ATP10B: variants seen among roughly 807,000 people sequenced by gnomAD.
ATP10B encodes phospholipid-transporting ATPase VB.
A neutral mutation model predicts 141.2 loss-of-function variants in ATP10B; 122 were observed. The ratio of observed to expected loss-of-function variants is 0.86; its 90% CI spans 0.75 to 1.00. ATP10B has a LOEUF of 1.00. Among genes scored for constraint, ATP10B ranks in the 50% least tolerant of loss-of-function variants. The probability of loss-of-function intolerance (pLI) is 0.00; values close to 1 mark genes in which losing one functional copy is unlikely to be tolerated. For missense variants in ATP10B, 1,876 were observed against 1,825.3 expected, an observed-to-expected ratio of 1.03 and a Z score of -0.51; for synonymous variants, 685 against 692.0, an observed-to-expected ratio of 0.99 and a Z score of 0.16.
At chr5:160,795,945 CA>C (rs1032450182) in intron 1 of ATP10B, among the ~76,000 whole-genome samples, 7 of 152,146 alleles carry the variant, frequency 4.6e-5, no homozygotes, top group African/African-American at 1.7e-4. Flanking sequence ...ATTTATATGG[CA>C]GCCCTAGAAA....
chr5:160,606,563 C>T (rs1225148267), intron 19 of ATP10B, among the ~76,000 whole-genome samples: 1 of 152,206 alleles, frequency 6.6e-6, no homozygotes, highest in Non-Finnish European at 1.5e-5. Context: ...AGCTGACTTG[C>T]TAGTCCCAAG....
intron 2 of ATP10B, among the ~76,000 whole-genome samples, chr5:160,763,186 T>G (rs917387382): frequency 6.6e-6 from 1 of 152,048 alleles, no homozygotes. Context: ...AAATGATGGA[T>G]TTAAACTATA....
chr5:160,759,575 T>C (rs1402216566), intron 2 of ATP10B, among the ~76,000 whole-genome samples: 1 of 152,212 alleles, frequency 6.6e-6, no homozygotes, highest in Non-Finnish European at 1.5e-5. Flanking sequence ...GCTGAGGCCT[T>C]TCTAAATCTG....
intron 2 of ATP10B, among the ~76,000 whole-genome samples, chr5:160,717,678 A>C (rs1765742893): frequency 6.6e-6 from 1 of 152,236 alleles, no homozygotes; most frequent in African/African-American, 2.4e-5. Context: ...CCCATATTAC[A>C]GAAGAGGAAA....
At chr5:160,808,904 G>T (rs540189066) in intron 1 of ATP10B, among the ~76,000 whole-genome samples, 1 of 152,148 alleles carries the variant, frequency 6.6e-6, no homozygotes, top group Non-Finnish European at 1.5e-5. Flanking sequence ...GTTCCTTCTG[G>T]GGGCTGTGAG....
At chr5:160,591,211 G>A (rs1443909231) in intron 22 of ATP10B, 72 bp from the exon 23 acceptor site, 2 of 1,292,642 alleles carry the variant, frequency 1.5e-6, no homozygotes, top group African/African-American at 1.5e-5. Flanking sequence ...CAACTTTCTT[G>A]CATGTGGCTG....
At position 160,715,330 on chromosome 5, in the gene ATP10B, T is replaced by G. The variant is rs1355619001; in HGVS notation, c.-205+1579A>C. 5.3e-3 allele frequency among the ~76,000 whole-genome samples: 713 copies of G among 134,328 alleles called. 8 individuals carry two copies. Among genetic ancestry groups the G allele is most frequent in the African/African-American group, 0.019 (685 of 35,554 alleles). 88.1% of individuals were successfully genotyped at this position (134,328 alleles called of 152,430 possible). On this transcript the variant is annotated intron_variant, in intron 3 of 25. Coordinates refer to ENST00000327245, the MANE Select transcript of ATP10B (RefSeq NM_025153.3). ...TATAGTCTCGTGGTGCGCCGTTTCT[T>G]AAGCCGGTCTGAAAAGCGCAATATT...
At chr5:160,912,170 G>C in the ATP10B span, among the ~76,000 whole-genome samples, 1 of 152,052 alleles carries the variant, frequency 6.6e-6, no homozygotes, top group African/African-American at 2.4e-5. Flanking sequence ...GGGTTCTCAT[G>C]AGTAGATCTA....
chr5:160,670,340 C>G, intron 7 of ATP10B, 123 bp downstream of exon 7: 1 of 850,174 alleles, frequency 1.2e-6, no homozygotes, highest in Admixed American at 2.0e-5. Flanking sequence ...ATCTAAAGTG[C>G]TAGGGAAAAG....
intron 3 of ATP10B, chr5:160,691,910 T>C (rs1417953490): frequency 6.6e-6 from 1 of 152,244 alleles, no homozygotes; most frequent in Non-Finnish European, 1.5e-5. Context: ...TAATATTGTG[T>C]ATCTTCTTTG....
intron 7 of ATP10B, among the ~76,000 whole-genome samples, chr5:160,666,157 G>C (rs1762305061): frequency 6.6e-6 from 1 of 152,162 alleles, no homozygotes; most frequent in Non-Finnish European, 1.5e-5. Context: ...GTTTCTGGAA[G>C]CACTGGAGAT....
intron 2 of ATP10B, among the ~76,000 whole-genome samples, chr5:160,719,030 A>G (rs1415655641): frequency 1.3e-5 from 2 of 152,198 alleles, no homozygotes; most frequent in Non-Finnish European, 2.9e-5. Context: ...AGTTCTTTGG[A>G]CTGGGACGGA....
chr5:160,681,393 C>G (rs1234871843), intron 6 of ATP10B, among the ~76,000 whole-genome samples: 1 of 152,218 alleles, frequency 6.6e-6, no homozygotes, highest in African/African-American at 2.4e-5. Flanking sequence ...AATAGTTAGT[C>G]TGAGATCTGG....
chr5:160,681,990 C>A (rs1248049215), intron 6 of ATP10B, among the ~76,000 whole-genome samples: 1 of 152,226 alleles, frequency 6.6e-6, no homozygotes, highest in African/African-American at 2.4e-5. Context: ...CACCACCATT[C>A]CCTATTGCCT....
chr5:160,667,090 C>T (rs1487817620), intron 7 of ATP10B, among the ~76,000 whole-genome samples: 1 of 152,120 alleles, frequency 6.6e-6, no homozygotes, highest in African/African-American at 2.4e-5. Context: ...TGGTGGCCGG[C>T]ACCTGTAGTC....
At chr5:160,709,297 G>T (rs1291321672) in intron 3 of ATP10B, among the ~76,000 whole-genome samples, 3 of 152,078 alleles carry the variant, frequency 2.0e-5, no homozygotes, top group Non-Finnish European at 4.4e-5. Context: ...ACATGCAAAG[G>T]TAAACCACAT....
At chr5:160,754,333 G>A (rs1331927771) in intron 2 of ATP10B, among the ~76,000 whole-genome samples, 1 of 152,110 alleles carries the variant, frequency 6.6e-6, no homozygotes, top group Non-Finnish European at 1.5e-5. Context: ...AATCTGTCTT[G>A]GTGAATTGTG....
At chr5:160,772,981 A>G (rs1770017647) in intron 2 of ATP10B, among the ~76,000 whole-genome samples, 1 of 152,182 alleles carries the variant, frequency 6.6e-6, no homozygotes, top group African/African-American at 2.4e-5. Flanking sequence ...CACGAAAACT[A>G]TTCTGCTAAT....
At chr5:160,807,331 T>C (rs1772848639) in intron 1 of ATP10B, among the ~76,000 whole-genome samples, 1 of 152,196 alleles carries the variant, frequency 6.6e-6, no homozygotes, top group African/African-American at 2.4e-5. Context: ...TTTTGGCTTT[T>C]AAGTATTGTG....
Sources: allele counts gnomAD v4.1 joint callset (sites outside exome capture counted in the v4.1 genomes callset), GRCh38; gene constraint gnomAD v4.1.1; transcripts MANE v1.5; gene names NCBI Gene and HGNC (gene_info 2026-07-23, HGNC 2026-07-21).